Variants in NCOA3 observed in about 807,000 individuals in gnomAD.
NCOA3 encodes nuclear receptor coactivator 3.
Under a neutral mutation model 158.8 loss-of-function variants are expected in NCOA3, and 51 were observed. That is an observed-to-expected ratio of 0.32 (90% CI 0.26 to 0.41). The LOEUF (loss-of-function observed/expected upper bound fraction) is 0.41. NCOA3 is among the 10% of genes least tolerant of loss of function. The pLI is 1.00. For synonymous variants in NCOA3, 537 were observed against 592.4 expected (o/e 0.91, Z 1.36); for missense variants, 1,510 against 1,746.6 (o/e 0.86, Z 2.41).
At chr20:47,512,569 T>TAA (rs762228515) in intron 1 of NCOA3, among the ~76,000 whole-genome samples, 52 of 84,754 alleles carry the variant, frequency 6.1e-4, no homozygotes, top group African/African-American at 1.5e-3. Flanking sequence ...TCTGTCTCAC[T>TAA]AAAAAAAAAA....
Position 47,567,012 on chromosome 20 carries a change from C to CTATGTATGTATG in NCOA3, c.-98-16131_-98-16120dup, listed in dbSNP as rs71183264. On this transcript the variant is annotated intron_variant, in intron 1 of 22. Coordinates refer to ENST00000371998, the MANE Select transcript of NCOA3 (RefSeq NM_181659.3). ...TACTAACAGTTTACATGGTATAGTA[C>CTATGTATGTATG]TATGTATGTATGTATGTATGTATGT... is the stretch of plus-strand genomic sequence containing the variant. Among the ~76,000 whole-genome samples the CTATGTATGTATG allele has an allele frequency of 5.9e-3, 857 of 145,448 alleles. 4 individuals carry two copies. Among genetic ancestry groups the CTATGTATGTATG allele is most frequent in the Non-Finnish European group, 7.5e-3 (495 of 66,142 alleles).
chr20:47,556,444 C>G (rs1325386112), intron 1 of NCOA3, among the ~76,000 whole-genome samples: 2 of 152,144 alleles, frequency 1.3e-5, no homozygotes, highest in African/African-American at 4.8e-5. Flanking sequence ...TATTTTGAAC[C>G]TGGGCTTCAA....
chr20:47,595,008 T>C (rs944553428), intron 2 of NCOA3, among the ~76,000 whole-genome samples: 5 of 150,730 alleles, frequency 3.3e-5, no homozygotes, highest in African/African-American at 1.2e-4. Flanking sequence ...GCCAGGCTGG[T>C]CTCGATCCCC....
At chr20:47,554,543 A>G (rs547208841) in intron 1 of NCOA3, among the ~76,000 whole-genome samples, 1 of 149,224 alleles carries the variant, frequency 6.7e-6, no homozygotes, top group African/African-American at 2.5e-5. Context: ...AAAAATCACA[A>G]GCATTCTTAT....
chr20:47,568,580 T>C (rs942502550), intron 1 of NCOA3, among the ~76,000 whole-genome samples: 1 of 152,120 alleles, frequency 6.6e-6, no homozygotes. Context: ...TGGATCCCTT[T>C]AGCTCCATGA....
At chr20:47,561,620 A>G (rs2146181854) in intron 1 of NCOA3, among the ~76,000 whole-genome samples, 1 of 152,002 alleles carries the variant, frequency 6.6e-6, no homozygotes, top group Middle Eastern at 3.4e-3. Flanking sequence ...CACCTCGCTT[A>G]GGCTATTTTT....
intron 3 of NCOA3, 127 bp from the exon 4 acceptor site, chr20:47,623,784 T>C: frequency 1.1e-6 from 1 of 876,114 alleles, no homozygotes; most frequent in Non-Finnish European, 1.7e-6. Flanking sequence ...GCGAAAACTC[T>C]GTCTCGAGGA....
chr20:47,603,880 G>A (rs967052761), intron 2 of NCOA3, among the ~76,000 whole-genome samples: 2 of 152,144 alleles, frequency 1.3e-5, no homozygotes, highest in Non-Finnish European at 2.9e-5. Context: ...TGGGGGCGTG[G>A]TGGGTCAAAA....
intron 1 of NCOA3, among the ~76,000 whole-genome samples, chr20:47,511,251 CTTT>C (rs574225212): frequency 1.6e-5 from 2 of 128,828 alleles, no homozygotes; most frequent in African/African-American, 5.8e-5. Context: ...TTCTTTCTTT[CTTT>C]TTTTTTTTTT....
chr20:47,609,913 A>C (rs1442019767), intron 2 of NCOA3, among the ~76,000 whole-genome samples: 2 of 152,064 alleles, frequency 1.3e-5, no homozygotes, highest in African/African-American at 4.8e-5. Flanking sequence ...TCTTCCCTGA[A>C]GCAATCTTGA....
At chr20:47,586,624 T>A (rs574883085) in intron 2 of NCOA3, among the ~76,000 whole-genome samples, 69 of 152,290 alleles carry the variant, frequency 4.5e-4, no homozygotes, top group African/African-American at 1.4e-3. Context: ...CAGTCTGGGG[T>A]CAGGTTCTGC....
chr20:47,584,704 G>T (rs1016187019), intron 2 of NCOA3, among the ~76,000 whole-genome samples: 1 of 148,886 alleles, frequency 6.7e-6, no homozygotes, highest in Non-Finnish European at 1.5e-5. Flanking sequence ...CATTCTTTTC[G>T]TGAGGTTGAG....
At chr20:47,634,917 C>T (rs1258199346) in intron 10 of NCOA3, among the ~76,000 whole-genome samples, 5 of 139,148 alleles carry the variant, frequency 3.6e-5, no homozygotes, top group African/African-American at 1.4e-4. Flanking sequence ...TTCTTCTCTT[C>T]TTCTTTTTTT....
intron 3 of NCOA3, 99 bp from the exon 4 acceptor site, chr20:47,623,812 T>A: frequency 1.1e-5 from 11 of 1,019,756 alleles, no homozygotes; most frequent in Non-Finnish European, 1.5e-5. Flanking sequence ...AAAAAAGTAA[T>A]CATGTAATAG....
chr20:47,590,792 G>A (rs760844887), intron 2 of NCOA3, among the ~76,000 whole-genome samples: 1 of 150,868 alleles, frequency 6.6e-6, no homozygotes, highest in African/African-American at 2.4e-5. Context: ...TCCTGGGCAA[G>A]AGACCAAGAC....
rs1398743965 is a variant in NCOA3, at chr20:47,654,918, G to A, written c.*1501G>A. ...TATGTTACCTTTTCATCCCCTTTAGGAGCGTTTTCAGATTTTGGTTGCTAA... is the reference window on the plus strand; with the variant it reads ...TATGTTACCTTTTCATCCCCTTTAGAAGCGTTTTCAGATTTTGGTTGCTAA... On this transcript the variant is annotated 3_prime_UTR_variant, in exon 23 of 23. Transcript: ENST00000371998. The A allele has an allele frequency of 1.3e-5, 2 of 151,870 alleles. No homozygotes were observed. Among genetic ancestry groups the A allele is most frequent in the African/African-American group, 4.8e-5 (2 of 41,348 alleles). The allele number at this position is 151,870 out of a possible 1,614,324, so 9.4% of individuals were successfully genotyped here.
chr20:47,507,879 A>G (rs1233722622), intron 1 of NCOA3, among the ~76,000 whole-genome samples: 1 of 152,142 alleles, frequency 6.6e-6, no homozygotes, highest in Non-Finnish European at 1.5e-5. Flanking sequence ...TCGGCCTCCC[A>G]AAGTGCTGGA....
At chr20:47,564,614 C>T (rs1487678089) in intron 1 of NCOA3, among the ~76,000 whole-genome samples, 1 of 151,766 alleles carries the variant, frequency 6.6e-6, no homozygotes, top group African/African-American at 2.4e-5. Context: ...TTGTTAAAAC[C>T]CCAATTGGTA....
At chr20:47,505,002 G>GTTTTTTTTTTTTT (rs2084003938) in intron 1 of NCOA3, among the ~76,000 whole-genome samples, 1 of 8,556 alleles carries the variant, frequency 1.2e-4, no homozygotes, top group African/African-American at 3.8e-4. Context: ...TTGGGTTTTT[G>GTTTTTTTTTTTTT]GTTTTTTTTT....
Sources: gnomAD v4.1 joint callset for allele counts (sites outside exome capture counted in the v4.1 genomes callset) on GRCh38, gnomAD v4.1.1 for gene constraint, MANE v1.5 for transcripts, NCBI Gene and HGNC (gene_info 2026-07-23, HGNC 2026-07-21) for gene names.